The following TTC8 variants were observed in gnomAD, a reference collection of about 807,000 sequenced individuals.
TTC8 encodes the protein tetratricopeptide repeat protein 8.
In TTC8, 47 loss-of-function variants were observed where a neutral mutation model predicts 72.5. The observed-to-expected ratio is 0.65, with a 90% CI of 0.51 to 0.83. The LOEUF (loss-of-function observed/expected upper bound fraction) is 0.83. Among genes scored for constraint, TTC8 ranks in the 40% least tolerant of loss-of-function variants. The pLI, the probability that TTC8 is intolerant of heterozygous loss-of-function variation, is 0.00. For missense variants in TTC8, 611 were observed against 623.2 expected, an observed-to-expected ratio of 0.98 and a Z score of 0.21; for synonymous variants, 199 against 221.4, an observed-to-expected ratio of 0.90 and a Z score of 0.90.
intron 10 of TTC8, among the ~76,000 whole-genome samples, chr14:88,862,572 A>G (rs1466343456): frequency 3.1e-5 from 2 of 64,946 alleles, no homozygotes; most frequent in Non-Finnish European, 5.8e-5. Context: ...ATATATATAT[A>G]TATATATATA....
chr14:88,876,204 T>C (rs2141046938), intron 14 of TTC8, among the ~76,000 whole-genome samples: 1 of 152,304 alleles, frequency 6.6e-6, no homozygotes, highest in East Asian at 1.9e-4. Flanking sequence ...TGGCTTACCT[T>C]CGGGAATAGC....
chr14:88,829,146 G>A (rs985102716), intron 1 of TTC8, among the ~76,000 whole-genome samples: 3 of 152,092 alleles, frequency 2.0e-5, no homozygotes, highest in African/African-American at 7.2e-5. Context: ...AGCATGAAGA[G>A]TATTAAAGTT....
intron 2 of TTC8, among the ~76,000 whole-genome samples, chr14:88,838,462 C>T (rs2094763532): frequency 6.6e-6 from 1 of 152,128 alleles, no homozygotes; most frequent in South Asian, 2.1e-4. Context: ...GCCTGCTTGA[C>T]AGCCATATAT....
intron 14 of TTC8, 65 bp downstream of exon 14, chr14:88,875,174 G>A: frequency 7.1e-7 from 1 of 1,405,656 alleles, no homozygotes; most frequent in Non-Finnish European, 9.9e-7. Flanking sequence ...TTTAAAAAAA[G>A]TACAAATAAA....
At chr14:88,859,464 A>G (rs1274670718) in intron 9 of TTC8, among the ~76,000 whole-genome samples, 1 of 152,162 alleles carries the variant, frequency 6.6e-6, no homozygotes, top group Non-Finnish European at 1.5e-5. Context: ...GAGCTAACTG[A>G]TGAGAACACA....
rs2094769624 is a variant in TTC8, at chr14:88,839,490, G to A, written c.183G>A (p.Met61Ile). Residue 61 changes from methionine to isoleucine, a missense_variant, in exon 3 of 15, where the codon ATG (methionine) becomes ATA (isoleucine). By Grantham distance (10) the Met-to-Ile change is conservative. Coordinates refer to ENST00000380656, the MANE Select transcript of TTC8 (RefSeq NM_144596.4). ...WILKARALTE[M>I]VYIDEIDVDQ... ...TAAAAGCAAGAGCGCTAACAGAAATGGTATACATAGATGAAATTGATGTAG... is the reference window on the plus strand; with the variant it reads ...TAAAAGCAAGAGCGCTAACAGAAATAGTATACATAGATGAAATTGATGTAG... 2.5e-6 allele frequency: 4 copies of A among 1,613,032 alleles called. No individual in the cohort carries two copies. The highest frequency in any genetic ancestry group is 2.5e-6 in the Non-Finnish European group (3 of 1,179,512).
At position 88,877,705 on chromosome 14, in the gene TTC8, T is replaced by C. The variant is rs2094962937; in HGVS notation, c.*295T>C. 4.6e-6 allele frequency: 1 copy of C among 216,022 alleles called. No individual in the cohort carries two copies. Among genetic ancestry groups the C allele is most frequent in the Non-Finnish European group, 9.3e-6 (1 of 107,756 alleles). 13.4% of individuals were successfully genotyped at this position (216,022 alleles called of 1,614,324 possible). The stretch of plus-strand genomic sequence containing the variant: ...TGTTTATAATGTTTACAAAACATTT[T>C]GGTGAATTTCCTCAATGTTTTATAA... On this transcript the variant is annotated 3_prime_UTR_variant, in exon 15 of 15. Transcript: ENST00000380656.
rs776411988 is a variant in TTC8, at chr14:88,871,478, T to A, written c.1050-71T>A. The A allele has an allele frequency of 2.6e-5, 27 of 1,028,332 alleles. No homozygotes were observed. Among genetic ancestry groups the A allele is most frequent in the Admixed American group, 4.2e-5 (2 of 47,382 alleles). 63.7% of individuals were successfully genotyped at this position (1,028,332 alleles called of 1,614,324 possible). On this transcript the variant is annotated intron_variant, in intron 11 of 14. Coordinates refer to ENST00000380656, the MANE Select transcript of TTC8 (RefSeq NM_144596.4). The surrounding 1 kb of genome is among the most constrained non-coding windows in gnomAD (Gnocchi z 4.1). The stretch of plus-strand genomic sequence containing the variant: ...TGAATTCATTTTTAACTGTGTAAAA[T>A]ATATATATATATGTCTTAAAACTTA...
chr14:88,839,140 C>G (rs1660278277), intron 2 of TTC8, among the ~76,000 whole-genome samples: 2 of 152,214 alleles, frequency 1.3e-5, no homozygotes, highest in Non-Finnish European at 2.9e-5. Flanking sequence ...CATTTGTTTT[C>G]AAATTATTAT....
At chr14:88,873,393 T>G (rs1008831143) in intron 13 of TTC8, among the ~76,000 whole-genome samples, 18 of 152,354 alleles carry the variant, frequency 1.2e-4, no homozygotes, top group African/African-American at 4.3e-4. Context: ...AAAAGAGCCC[T>G]TGGGTGTTAT....
Position 88,824,682 on chromosome 14 carries a change from G to A in TTC8, c.-26G>A, listed in dbSNP as rs1174168625. 1 of 1,569,018 alleles carries A rather than the reference G, an allele frequency of 6.4e-7. No homozygotes were observed. Among genetic ancestry groups the A allele is most frequent in the African/African-American group, 1.3e-5 (1 of 74,126 alleles). ...CGCCCACCTCTCTCCTGGAGCGCTG[G>A]GCCTTCGCTGGCCGCACCGGCAGCC... On this transcript the variant is annotated 5_prime_UTR_variant, in exon 1 of 15. Transcript: ENST00000380656.
chr14:88,859,834 TA>T (rs1185273197), intron 9 of TTC8, among the ~76,000 whole-genome samples: 7 of 104,054 alleles, frequency 6.7e-5, no homozygotes, highest in Non-Finnish European at 1.2e-4. Flanking sequence ...TATAAACATA[TA>T]AAAATAATAT....
intron 7 of TTC8, chr14:88,846,543 C>T: frequency 2.1e-6 from 2 of 930,952 alleles, no homozygotes; most frequent in Non-Finnish European, 3.2e-6. Context: ...AGTTTAGAAG[C>T]TAGGCAGATC....
intron 1 of TTC8, among the ~76,000 whole-genome samples, chr14:88,826,399 A>C (rs1197542137): frequency 6.6e-6 from 1 of 152,006 alleles, no homozygotes; most frequent in Non-Finnish European, 1.5e-5. Context: ...GGTACAACAG[A>C]AGCTTGTTAA....
At chr14:88,876,029 C>T (rs909506824) in intron 14 of TTC8, among the ~76,000 whole-genome samples, 6 of 152,102 alleles carry the variant, frequency 3.9e-5, no homozygotes, top group African/African-American at 1.4e-4. Context: ...AAACCTGTAC[C>T]TCAAGCAGCT....
rs181686837 is a variant in TTC8 at position 88,867,714 on chromosome 14, T to C, written c.910-2345T>C. Reference sequence around the variant, plus strand: ...CAGTCTAAAATTCCTCGAGATTACATAAATTAATTTCTGTGTCCATTAATT... The same window carrying C: ...CAGTCTAAAATTCCTCGAGATTACACAAATTAATTTCTGTGTCCATTAATT... On this transcript the variant is annotated intron_variant, in intron 10 of 14. Coordinates refer to ENST00000380656, the MANE Select transcript of TTC8 (RefSeq NM_144596.4). Among the ~76,000 whole-genome samples, 568 of 152,316 alleles carry C rather than the reference T, an allele frequency of 3.7e-3. 7 individuals are homozygous for C. The highest frequency in any genetic ancestry group is 0.013 in the African/African-American group (543 of 41,578).
chr14:88,868,570 T>A (rs913756656), intron 10 of TTC8, among the ~76,000 whole-genome samples: 6 of 152,216 alleles, frequency 3.9e-5, no homozygotes, highest in African/African-American at 1.4e-4. Context: ...CCATATTTCA[T>A]GGACTCTAAA....
chr14:88,857,296 G>T lies in TTC8; in HGVS notation c.798+19G>T. 2 of 1,595,380 alleles carry T rather than the reference G, an allele frequency of 1.3e-6. No individual in the cohort carries two copies. The highest frequency in any genetic ancestry group is 2.2e-5 in the South Asian group (2 of 90,650). On this transcript the variant is annotated intron_variant, in intron 9 of 14. Transcript: ENST00000380656. ...GGCAAAAGTAAGTAAATCTTAATTTGAGTGAAATCTGCCTTCTCAGAATAA... is the reference window on the plus strand; with the variant it reads ...GGCAAAAGTAAGTAAATCTTAATTTTAGTGAAATCTGCCTTCTCAGAATAA...
intron 7 of TTC8, among the ~76,000 whole-genome samples, chr14:88,847,885 G>C (rs530178659): frequency 1.1e-4 from 17 of 152,196 alleles, no homozygotes; most frequent in Admixed American, 6.5e-4. Context: ...CACTTTGGGA[G>C]GCCAAGGTGG....
Sources: allele counts gnomAD v4.1 joint callset (sites outside exome capture counted in the v4.1 genomes callset), GRCh38; gene constraint gnomAD v4.1.1; non-coding constraint Gnocchi (gnomAD v3.1); transcripts MANE v1.5; gene names NCBI Gene and HGNC (gene_info 2026-07-23, HGNC 2026-07-21).